Variants in FAM171A1 observed in about 807,000 individuals in gnomAD.
FAM171A1 encodes the protein family with sequence similarity 171 member A1.
In FAM171A1, 23 loss-of-function variants were observed where a neutral mutation model predicts 74.9. The ratio of observed to expected loss-of-function variants is 0.31; its 90% CI spans 0.22 to 0.44. The LOEUF (loss-of-function observed/expected upper bound fraction) is 0.44. Ranked by LOEUF, FAM171A1 falls within the 20% of genes least tolerant of loss-of-function variation. The pLI, the probability that FAM171A1 is intolerant of heterozygous loss-of-function variation, is 1.00. For synonymous variants in FAM171A1, 527 were observed against 505.7 expected (o/e 1.04, Z -0.57); for missense variants, 1,162 against 1,159.2 (o/e 1.00, Z -0.03).
intron 1 of FAM171A1, among the ~76,000 whole-genome samples, chr10:15,319,183 G>A (rs532460112): frequency 5.3e-5 from 8 of 152,138 alleles, no homozygotes; most frequent in Non-Finnish European, 1.0e-4. Flanking sequence ...TGGAGGTGAC[G>A]GTCTTTCAAC....
intron 1 of FAM171A1, among the ~76,000 whole-genome samples, chr10:15,308,388 A>G (rs1387192657): frequency 6.6e-6 from 1 of 152,240 alleles, no homozygotes; most frequent in Non-Finnish European, 1.5e-5. Flanking sequence ...AACATCTGCT[A>G]ACACTGAGTT....
At chr10:15,279,726 T>C (rs1834942435) in intron 2 of FAM171A1, among the ~76,000 whole-genome samples, 1 of 152,084 alleles carries the variant, frequency 6.6e-6, no homozygotes, top group Non-Finnish European at 1.5e-5. Flanking sequence ...AAGATTATCC[T>C]GGCCAACATG....
At chr10:15,217,883 G>A (rs1391484669) in intron 6 of FAM171A1, among the ~76,000 whole-genome samples, 7 of 151,868 alleles carry the variant, frequency 4.6e-5, no homozygotes, top group East Asian at 1.9e-4. Context: ...CACCTGCCTC[G>A]TCCTCCTAAA....
At chr10:15,229,032 A>G (rs1834147487) in intron 5 of FAM171A1, among the ~76,000 whole-genome samples, 1 of 152,242 alleles carries the variant, frequency 6.6e-6, no homozygotes. Context: ...GAATTCTACT[A>G]GGTCTATAAG....
chr10:15,286,871 G>T (rs1264422214), intron 1 of FAM171A1, among the ~76,000 whole-genome samples: 7 of 152,124 alleles, frequency 4.6e-5, no homozygotes, highest in Admixed American at 4.6e-4. Context: ...TCTGAGCTAT[G>T]GGTGTGTACC....
chr10:15,268,318 T>G (rs11259586), intron 3 of FAM171A1, among the ~76,000 whole-genome samples: 49,064 of 151,924 alleles, frequency 0.32, 9,481 homozygotes, highest in East Asian at 0.64. Flanking sequence ...GATAACCCGT[T>G]AAAAACCTAC....
intron 1 of FAM171A1, among the ~76,000 whole-genome samples, chr10:15,360,639 C>G (rs1455769149): frequency 6.6e-6 from 1 of 152,228 alleles, no homozygotes; most frequent in African/African-American, 2.4e-5. Flanking sequence ...CAGCAAACAT[C>G]ATGAATGGGT....
intron 1 of FAM171A1, among the ~76,000 whole-genome samples, chr10:15,294,231 G>A (rs1374970284): frequency 6.6e-6 from 1 of 152,178 alleles, no homozygotes; most frequent in Non-Finnish European, 1.5e-5. Flanking sequence ...TGCTTGCCCT[G>A]CTCGGGTTCT....
At chr10:15,329,581 A>G (rs1032689554) in intron 1 of FAM171A1, among the ~76,000 whole-genome samples, 2 of 150,888 alleles carry the variant, frequency 1.3e-5, no homozygotes, top group Non-Finnish European at 2.9e-5. Flanking sequence ...AAACGTGATC[A>G]TGCCACTGCA....
rs142679315 is a variant in FAM171A1, at chr10:15,236,335, G to A, written c.754+12304C>T. Among the ~76,000 whole-genome samples, 464 of 151,534 alleles carry A rather than the reference G, an allele frequency of 3.1e-3. 1 individual carries two copies. Among genetic ancestry groups the A allele is most frequent in the Admixed American group, 5.6e-3 (85 of 15,238 alleles). On this transcript the variant is annotated intron_variant, in intron 5 of 7. Coordinates refer to ENST00000378116, the MANE Select transcript of FAM171A1 (RefSeq NM_001010924.2). ...TGCATATGGGCTAAATAATAGCAGCGATGATGATGATAAGAGCGGCAAACA... is the reference window on the plus strand; with the variant it reads ...TGCATATGGGCTAAATAATAGCAGCAATGATGATGATAAGAGCGGCAAACA...
intron 2 of FAM171A1, among the ~76,000 whole-genome samples, chr10:15,278,491 G>A (rs1834923446): frequency 6.6e-6 from 1 of 152,200 alleles, no homozygotes; most frequent in Non-Finnish European, 1.5e-5. Flanking sequence ...GAAAAGCGGA[G>A]ACAACACACG....
At chr10:15,309,974 C>G (rs945177524) in intron 1 of FAM171A1, among the ~76,000 whole-genome samples, 26 of 152,288 alleles carry the variant, frequency 1.7e-4, no homozygotes, top group African/African-American at 6.3e-4. Context: ...TTTGTAGTCT[C>G]TGGTATTTTT....
In FAM171A1 at chr10:15,213,124, G is replaced by C. The variant is rs747479753; in HGVS notation, c.2464C>G (p.Arg822Gly). ...CTGGGCAGCTGGCCACCACTTCTCC[G>C]ACTCGACCCCTCCAACAAGCATCGC... ...ALRCLLEGSS[R>G]RSGGQLPSLQ... Residue 822 changes from arginine to glycine, a missense_variant, in exon 8 of 8, where the codon CGG becomes GGG. Arg to Gly is a moderately radical substitution (Grantham distance 125). Coordinates refer to ENST00000378116, the MANE Select transcript of FAM171A1 (RefSeq NM_001010924.2). This position sits in a 1 kb window ranked among gnomAD's most constrained non-coding sequence, Gnocchi z 6.8. 6.2e-7 allele frequency: 1 copy of C among 1,613,882 alleles called. No individual in the cohort carries two copies. Among genetic ancestry groups the C allele is most frequent in the African/African-American group, 1.3e-5 (1 of 75,008 alleles).
intron 1 of FAM171A1, among the ~76,000 whole-genome samples, chr10:15,352,481 T>C (rs1835891255): frequency 6.6e-6 from 1 of 152,202 alleles, no homozygotes; most frequent in African/African-American, 2.4e-5. Context: ...TTACTTGGCA[T>C]TTATGAAGCA....
chr10:15,244,027 G>C (rs1314901134), intron 5 of FAM171A1, among the ~76,000 whole-genome samples: 1 of 152,178 alleles, frequency 6.6e-6, no homozygotes, highest in Non-Finnish European at 1.5e-5. Context: ...TGGGATTACA[G>C]GCATATCAGA....
At chr10:15,259,500 G>A (rs953986014) in intron 3 of FAM171A1, among the ~76,000 whole-genome samples, 5 of 152,088 alleles carry the variant, frequency 3.3e-5, no homozygotes, top group African/African-American at 4.8e-5. Context: ...GACTACAACT[G>A]CACCTCTTCT....
chr10:15,267,885 C>CACTAAGA (rs11281586), intron 3 of FAM171A1, among the ~76,000 whole-genome samples: 148,131 of 152,172 alleles, frequency 0.97, 72,234 homozygotes, highest in East Asian at 1. Context: ...ACAAACACCT[C>CACTAAGA]ACAGTGCTGC....
chr10:15,271,886 A>G (rs942253245), intron 3 of FAM171A1, among the ~76,000 whole-genome samples: 6 of 152,236 alleles, frequency 3.9e-5, no homozygotes, highest in African/African-American at 1.4e-4. Context: ...TGAAGGAAGC[A>G]CTAAACATGG....
chr10:15,230,930 C>A (rs1324073973), intron 5 of FAM171A1, among the ~76,000 whole-genome samples: 2 of 152,172 alleles, frequency 1.3e-5, no homozygotes, highest in African/African-American at 4.8e-5. Flanking sequence ...AGGCCAATAC[C>A]CATCTTGCAA....
Sources: allele counts gnomAD v4.1 joint callset (sites outside exome capture counted in the v4.1 genomes callset), GRCh38; gene constraint gnomAD v4.1.1; non-coding constraint Gnocchi (gnomAD v3.1); transcripts MANE v1.5; gene names NCBI Gene and HGNC (gene_info 2026-07-23, HGNC 2026-07-21).